Variants in SVEP1 observed in about 807,000 individuals in gnomAD.
SVEP1 encodes sushi, von Willebrand factor type A, EGF and pentraxin domain containing 1, also known as sushi, von Willebrand factor type A, EGF and pentraxin domain-containing protein 1.
A neutral mutation model predicts 367.3 loss-of-function variants in SVEP1; 164 were observed. The observed-to-expected ratio is 0.45, with a 90% CI of 0.39 to 0.51. The LOEUF (loss-of-function observed/expected upper bound fraction) is 0.51. Ranked by LOEUF, SVEP1 falls within the 20% of genes least tolerant of loss-of-function variation. The pLI is 0.00. For missense variants in SVEP1, 4,117 were observed against 4,425.3 expected (o/e 0.93, Z 1.98); for synonymous variants, 1,666 against 1,611.6 (o/e 1.03, Z -0.81).
chr9:110,495,949 T>C (rs1355860534), intron 8 of SVEP1, among the ~76,000 whole-genome samples: 1 of 152,208 alleles, frequency 6.6e-6, no homozygotes, highest in African/African-American at 2.4e-5. Flanking sequence ...CAATTAGGAT[T>C]GAGTCCACAT....
At chr9:110,533,333 C>T (rs1425501726) in intron 3 of SVEP1, among the ~76,000 whole-genome samples, 5 of 152,268 alleles carry the variant, frequency 3.3e-5, no homozygotes, top group Admixed American at 2.0e-4. Flanking sequence ...ATGTTTCTCA[C>T]GAGCCTACTA....
chr9:110,494,672 A>G (rs1054636761), intron 8 of SVEP1, among the ~76,000 whole-genome samples: 2 of 152,224 alleles, frequency 1.3e-5, no homozygotes, highest in Non-Finnish European at 2.9e-5. Context: ...AAGGATGTTC[A>G]TGACAGCATC....
chr9:110,518,151 G>A (rs1241449555), intron 3 of SVEP1, among the ~76,000 whole-genome samples: 5 of 152,058 alleles, frequency 3.3e-5, no homozygotes, highest in Non-Finnish European at 7.4e-5. Flanking sequence ...GGCCCAGCAC[G>A]GTGGCTCACA....
chr9:110,454,201 C>T (rs1828741750), intron 22 of SVEP1, among the ~76,000 whole-genome samples: 1 of 152,174 alleles, frequency 6.6e-6, no homozygotes, highest in Non-Finnish European at 1.5e-5. Context: ...AGTGCAGAAG[C>T]TCTTCGATTT....
intron 27 of SVEP1, 126 bp from the exon 28 acceptor site, chr9:110,436,630 T>A: frequency 7.3e-7 from 1 of 1,363,260 alleles, no homozygotes; most frequent in Non-Finnish European, 9.7e-7. Flanking sequence ...AAAAGCAAAA[T>A]TCTGTAAATT....
chr9:110,451,681 A>C (rs1828695993), intron 22 of SVEP1, among the ~76,000 whole-genome samples: 1 of 151,936 alleles, frequency 6.6e-6, no homozygotes, highest in Non-Finnish European at 1.5e-5. Flanking sequence ...TTTGTTTTAA[A>C]TTTTTTCTCC....
At chr9:110,404,840 C>T (rs1827931747) in intron 38 of SVEP1, among the ~76,000 whole-genome samples, 1 of 151,990 alleles carries the variant, frequency 6.6e-6, no homozygotes. Flanking sequence ...GGCTGGGAAA[C>T]ATAGTGAGAC....
chr9:110,368,557 C>T (rs1308562413), intron 47 of SVEP1, among the ~76,000 whole-genome samples: 7 of 152,164 alleles, frequency 4.6e-5, no homozygotes, highest in African/African-American at 7.2e-5. Flanking sequence ...GAACTCCTAT[C>T]GACAGTTTTT....
chr9:110,427,229 T>A (rs1363487807), intron 36 of SVEP1, among the ~76,000 whole-genome samples: 1 of 134,928 alleles, frequency 7.4e-6, no homozygotes, highest in East Asian at 2.1e-4. Context: ...ACCTGGGAGG[T>A]GGAGATTGCA....
intron 38 of SVEP1, among the ~76,000 whole-genome samples, chr9:110,405,017 C>T (rs578220669): frequency 1.6e-4 from 24 of 152,182 alleles, no homozygotes; most frequent in Admixed American, 4.6e-4. Flanking sequence ...CAGAGCAAGA[C>T]GTTGTCTCAA....
intron 27 of SVEP1, among the ~76,000 whole-genome samples, chr9:110,437,881 G>A (rs1036505106): frequency 4.6e-5 from 7 of 151,912 alleles, no homozygotes; most frequent in African/African-American, 1.7e-4. Flanking sequence ...CCTCCTTCAT[G>A]ATTTCCCAAT....
At chr9:110,409,262 C>T (rs1021477488) in intron 37 of SVEP1, among the ~76,000 whole-genome samples, 1 of 151,908 alleles carries the variant, frequency 6.6e-6, no homozygotes, top group Admixed American at 6.6e-5. Context: ...ATGGTGAAAC[C>T]TGTACAAAAA....
Position 110,406,465 on chromosome 9 carries a change from G to A in SVEP1, c.9135C>T (p.Thr3045=). The A allele has an allele frequency of 6.2e-7, 1 of 1,613,992 alleles. No individual in the cohort carries two copies. Residue 3045 remains threonine, a synonymous_variant, in exon 38 of 48, where the codon ACC becomes ACT. Coordinates refer to ENST00000374469, the MANE Select transcript of SVEP1 (RefSeq NM_153366.4). ...GFKLLGLSEI[T]CEADGQWSSG... is the part of the protein sequence containing the mutation. ...AGCTCCACTGGCCATCGGCTTCACA[G>A]GTGATTTCAGAAAGTCCTAGGAGCT...
intron 1 of SVEP1, among the ~76,000 whole-genome samples, chr9:110,565,372 TTACATTTTATTTC>T (rs2118875467): frequency 6.6e-6 from 1 of 152,288 alleles, no homozygotes; most frequent in Admixed American, 6.5e-5. Flanking sequence ...TTTGCTTGGG[TTACATTTTATTTC>T]AATAAAGGGT....
chr9:110,407,224 T>C lies in SVEP1; in HGVS notation c.8376A>G (p.Thr2792=), dbSNP rs1465588118. ...ACTCATAGTACAACGTGCTCAGGTATGTGTAGTTGCTTCCTTTGATGGATC... is the reference window on the plus strand; with the variant it reads ...ACTCATAGTACAACGTGCTCAGGTACGTGTAGTTGCTTCCTTTGATGGATC... The part of the protein sequence containing the change: ...MNGSIKGSNY[T]YLSTLYYECD... Residue 2792 remains threonine, a synonymous_variant, in exon 38 of 48, where the codon ACA becomes ACG. Coordinates refer to ENST00000374469, the MANE Select transcript of SVEP1 (RefSeq NM_153366.4). 6.2e-7 allele frequency: 1 copy of C among 1,613,990 alleles called. No homozygotes were observed. Among genetic ancestry groups the C allele is most frequent in the Non-Finnish European group, 8.5e-7 (1 of 1,179,888 alleles).
intron 1 of SVEP1, among the ~76,000 whole-genome samples, chr9:110,565,407 T>G (rs890260130): frequency 6.6e-6 from 1 of 152,122 alleles, no homozygotes; most frequent in South Asian, 2.1e-4. Context: ...TGAGGTGGAG[T>G]GTTGACCTTG....
intron 43 of SVEP1, among the ~76,000 whole-genome samples, chr9:110,380,124 G>C (rs1827412520): frequency 6.6e-6 from 1 of 152,068 alleles, no homozygotes; most frequent in Non-Finnish European, 1.5e-5. Context: ...TTCTGCTTTT[G>C]GGATCTGTGA....
chr9:110,391,535 G>GTGCTGAGGTTAT (rs1471582164), intron 40 of SVEP1, among the ~76,000 whole-genome samples: 1 of 152,136 alleles, frequency 6.6e-6, no homozygotes, highest in East Asian at 1.9e-4. Context: ...GCCTCCCAAA[G>GTGCTGAGGTTAT]TGCTGAGGTT....
At position 110,388,631 on chromosome 9, in the gene SVEP1, T is replaced by C. The variant is rs151070854; in HGVS notation, c.9886+893A>G. The stretch of plus-strand genomic sequence containing the variant: ...TTGAGTATGCTGAGATCACAGATCT[T>C]AACCTTGGCTGCACTTTGAAACCAC... On this transcript the variant is annotated intron_variant, in intron 41 of 47. Transcript: ENST00000374469. 7.7e-4 allele frequency among the ~76,000 whole-genome samples: 117 copies of C among 152,224 alleles called. 2 individuals carry two copies. Among genetic ancestry groups the C allele is most frequent in the African/African-American group, 2.7e-3 (112 of 41,574 alleles).
Sources: gnomAD v4.1 joint callset for allele counts (sites outside exome capture counted in the v4.1 genomes callset) on GRCh38, gnomAD v4.1.1 for gene constraint, MANE v1.5 for transcripts, NCBI Gene and HGNC (gene_info 2026-07-23, HGNC 2026-07-21) for gene names.